The following MUC7 variants were observed in gnomAD, a reference collection of about 807,000 sequenced individuals.
MUC7 encodes the protein mucin-7.
MUC7 carries 2 observed loss-of-function variants against 2.5 expected under a neutral mutation model. The ratio of observed to expected loss-of-function variants is 0.81; its 90% CI spans 0.33 to 2.55. MUC7 has a LOEUF of 2.55. MUC7 is among the 30% of genes most tolerant of loss of function. The pLI is 0.11. For missense variants in MUC7, 408 were observed against 455.6 expected (o/e 0.90, Z 0.95); for synonymous variants, 133 against 173.4 (o/e 0.77, Z 1.83).
chr4:70,465,028 T>G (rs1734647646), intron 1 of MUC7, among the ~76,000 whole-genome samples: 1 of 152,178 alleles, frequency 6.6e-6, no homozygotes, highest in Non-Finnish European at 1.5e-5. Context: ...AGTGCCCCTC[T>G]GGGATGAAGC....
At chr4:70,456,933 T>C (rs549031267) in intron 1 of MUC7, among the ~76,000 whole-genome samples, 1 of 152,272 alleles carries the variant, frequency 6.6e-6, no homozygotes, top group African/African-American at 2.4e-5. Flanking sequence ...CTCCTCTATA[T>C]TGAAAAATCA....
chr4:70,448,160 T>G (rs564191337), intron 1 of MUC7, among the ~76,000 whole-genome samples: 24 of 152,334 alleles, frequency 1.6e-4, no homozygotes, highest in Admixed American at 7.8e-4. Flanking sequence ...ATTCTGTGTA[T>G]GTACAATTTG....
At chr4:70,460,455 A>C (rs1734526699) in intron 1 of MUC7, among the ~76,000 whole-genome samples, 1 of 127,510 alleles carries the variant, frequency 7.8e-6, no homozygotes, top group Non-Finnish European at 1.7e-5. Flanking sequence ...ATATACATGA[A>C]AGTTATGAAA....
rs375545225 is a variant in MUC7 at position 70,459,586 on chromosome 4, T to C, written c.-92-12629T>C. 5.1e-4 allele frequency among the ~76,000 whole-genome samples: 77 copies of C among 152,108 alleles called. 2 individuals are homozygous for C. In the South Asian group the frequency reaches 0.016, roughly 31 times the overall value. ...CCTAAAACTTAAAGTATAATAATAA[T>C]GAAATAAAATAAAAATTCACATTTT... On this transcript the variant is annotated intron_variant, in intron 1 of 3. Coordinates refer to the MUC7 transcript ENST00000413702.
At chr4:70,460,731 G>C (rs1734534013) in intron 1 of MUC7, among the ~76,000 whole-genome samples, 2 of 152,164 alleles carry the variant, frequency 1.3e-5, no homozygotes, top group Admixed American at 1.3e-4. Flanking sequence ...GGTCCAGCCA[G>C]CACTGTGCTG....
chr4:70,469,228 C>G (rs184360998), upstream of MUC7, among the ~76,000 whole-genome samples: 115 of 152,284 alleles, frequency 7.6e-4, no homozygotes, highest in Middle Eastern at 3.4e-3. Context: ...AACTGGACCC[C>G]TTCCTAACAC....
At position 70,481,745 on chromosome 4, in the gene MUC7, C is replaced by T. The variant is rs17852281; in HGVS notation, c.1001C>T (p.Thr334Ile). 23 of 1,614,106 alleles carry T rather than the reference C, an allele frequency of 1.4e-5. No individual in the cohort carries two copies. The highest frequency in any genetic ancestry group is 6.7e-5 in the Admixed American group (4 of 60,010). ...TCAGCTGCACCCACACACCAGACTACTACTTCGGTCACTACTCAAACTACT... is the reference window on the plus strand; with the variant it reads ...TCAGCTGCACCCACACACCAGACTATTACTTCGGTCACTACTCAAACTACT... ...ETSAAPTHQT[T>I]TSVTTQTTTT... The change falls in exon 3 of 3, where the codon ACT (threonine) becomes ATT (isoleucine). Residue 334 changes from threonine (T) to isoleucine (I), a missense_variant. Transcript: ENST00000304887.
At chr4:70,443,547 GC>G (rs1202237189) in intron 1 of MUC7, among the ~76,000 whole-genome samples, 2 of 152,072 alleles carry the variant, frequency 1.3e-5, no homozygotes, top group Non-Finnish European at 2.9e-5. Context: ...TTTTCGACTG[GC>G]AAACAAAATG....
At position 70,482,918 on chromosome 4, in the gene MUC7, C is replaced by T. The variant is rs1407368579; in HGVS notation, c.*1040C>T. The stretch of plus-strand genomic sequence containing the variant: ...ATTTGGGATATGGAGGCATTTTTAT[C>T]TTCTGTCACTACTACTTAAAACTCT... On this transcript the variant is annotated 3_prime_UTR_variant, in exon 3 of 3. Coordinates refer to ENST00000304887, the MANE Select transcript of MUC7 (RefSeq NM_152291.3). 6.6e-6 allele frequency: 1 copy of T among 152,296 alleles called. No homozygotes were observed. Among genetic ancestry groups the T allele is most frequent in the Non-Finnish European group, 1.5e-5 (1 of 68,010 alleles). The allele number at this position is 152,296 out of a possible 1,614,324, so 9.4% of individuals were successfully genotyped here. A position where few individuals can be genotyped will look rare whatever the true frequency, so the allele number is the denominator to read the frequency against.
intron 1 of MUC7, among the ~76,000 whole-genome samples, chr4:70,464,515 G>A (rs961331308): frequency 6.6e-6 from 1 of 152,120 alleles, no homozygotes; most frequent in East Asian, 1.9e-4. Context: ...TTCTCGCTGC[G>A]AGCACAACAG....
At chr4:70,454,780 G>T (rs755848422) in intron 1 of MUC7, among the ~76,000 whole-genome samples, 1 of 152,144 alleles carries the variant, frequency 6.6e-6, no homozygotes, top group Admixed American at 6.5e-5. Context: ...GAAACCCAAC[G>T]GGGTGAATGC....
At chr4:70,472,452 C>T (rs1384832383) in intron 1 of MUC7, among the ~76,000 whole-genome samples, 161 bp downstream of exon 1, 5 of 152,130 alleles carry the variant, frequency 3.3e-5, no homozygotes, top group Non-Finnish European at 7.4e-5. Context: ...GTTATTAGAA[C>T]ACAATATGAT....
intron 1 of MUC7, among the ~76,000 whole-genome samples, chr4:70,457,043 G>A (rs578179099): frequency 3.2e-4 from 49 of 152,246 alleles, no homozygotes; most frequent in Non-Finnish European, 5.6e-4. Flanking sequence ...TGGAAGACAG[G>A]GGACTGCAAA....
chr4:70,435,507 A>T (rs1733804682), intron 1 of MUC7, among the ~76,000 whole-genome samples: 4 of 152,304 alleles, frequency 2.6e-5, no homozygotes, highest in South Asian at 4.1e-4. Context: ...CTGTTTTATC[A>T]GAGACTAGGA....
intron 2 of MUC7, among the ~76,000 whole-genome samples, chr4:70,475,005 G>A (rs10011835): frequency 0.23 from 34,659 of 152,130 alleles, 4,691 homozygotes; most frequent in East Asian, 0.4. Flanking sequence ...CAGGCCGGGC[G>A]CGGTGGCTCA....
At chr4:70,473,711 A>G (rs1191219294) in intron 1 of MUC7, among the ~76,000 whole-genome samples, 28 of 152,192 alleles carry the variant, frequency 1.8e-4, no homozygotes. Flanking sequence ...TTATTGCTAA[A>G]CTTCCTAAGA....
intron 2 of MUC7, among the ~76,000 whole-genome samples, chr4:70,477,620 GT>G (rs1404816183): frequency 6.6e-6 from 1 of 151,838 alleles, no homozygotes; most frequent in Non-Finnish European, 1.5e-5. Flanking sequence ...CTCTATCCTT[GT>G]TCCTCATGTC....
intron 1 of MUC7, among the ~76,000 whole-genome samples, chr4:70,458,577 C>G (rs548682329): frequency 1.3e-5 from 2 of 151,998 alleles, no homozygotes; most frequent in Admixed American, 1.3e-4. Context: ...TATAAAATTT[C>G]CAAGCCCACA....
chr4:70,477,008 A>G (rs1577916022), intron 2 of MUC7, among the ~76,000 whole-genome samples: 1 of 152,218 alleles, frequency 6.6e-6, no homozygotes, highest in African/African-American at 2.4e-5. Context: ...AGCATTATTT[A>G]GCATAATGCT....
Sources: allele counts gnomAD v4.1 joint callset (sites outside exome capture counted in the v4.1 genomes callset), GRCh38; gene constraint gnomAD v4.1.1; transcripts MANE v1.5; gene names NCBI Gene and HGNC (gene_info 2026-07-23, HGNC 2026-07-21).